PALM2AKAP2: variants seen among roughly 807,000 people sequenced by gnomAD.
PALM2AKAP2 encodes the protein PALM2-AKAP2 fusion protein.
A neutral mutation model predicts 71.5 loss-of-function variants in PALM2AKAP2; 37 were observed. The observed-to-expected ratio is 0.52, with a 90% CI of 0.40 to 0.68. The LOEUF (loss-of-function observed/expected upper bound fraction) is 0.68, where lower values mean the gene tolerates loss of function less well. Ranked by LOEUF, PALM2AKAP2 falls within the 30% of genes least tolerant of loss-of-function variation. The pLI is 0.00. For missense variants in PALM2AKAP2, 1,224 were observed against 1,191.8 expected, an observed-to-expected ratio of 1.03 and a Z score of -0.40; for synonymous variants, 468 against 478.8, an observed-to-expected ratio of 0.98 and a Z score of 0.29.
At chr9:109,679,658 A>G (rs1255460612) in intron 1 of PALM2AKAP2, among the ~76,000 whole-genome samples, 3 of 152,212 alleles carry the variant, frequency 2.0e-5, no homozygotes, top group Non-Finnish European at 4.4e-5. Context: ...CTCAAAAGTC[A>G]TCTGGCTTAG....
chr9:109,843,301 CAAA>C (rs35634219), intron 1 of PALM2AKAP2, among the ~76,000 whole-genome samples: 4 of 66,960 alleles, frequency 6.0e-5, no homozygotes, highest in Non-Finnish European at 2.6e-5. Context: ...GCCCCTGTCT[CAAA>C]AAAAAAAAAA....
intron 1 of PALM2AKAP2, among the ~76,000 whole-genome samples, chr9:110,088,711 T>TG (rs1564297928): frequency 4.7e-4 from 31 of 65,776 alleles, no homozygotes; most frequent in Non-Finnish European, 6.7e-4. Flanking sequence ...GTGTTTTTTT[T>TG]TTTTTTTTTT....
At chr9:109,654,164 T>C (rs771683868) in intron 1 of PALM2AKAP2, among the ~76,000 whole-genome samples, 2 of 152,256 alleles carry the variant, frequency 1.3e-5, no homozygotes, top group African/African-American at 2.4e-5. Flanking sequence ...TATGGCCTCA[T>C]GTGGCTGTAA....
At chr9:109,836,082 T>G (rs1828466511) in intron 1 of PALM2AKAP2, among the ~76,000 whole-genome samples, 1 of 152,202 alleles carries the variant, frequency 6.6e-6, no homozygotes, top group Admixed American at 6.5e-5. Flanking sequence ...GTCTGCCTCC[T>G]CAAGTGGGTC....
intron 1 of PALM2AKAP2, among the ~76,000 whole-genome samples, chr9:110,052,287 G>C (rs1833726263): frequency 6.6e-6 from 1 of 152,186 alleles, no homozygotes; most frequent in Admixed American, 6.5e-5. Context: ...TTCAACTTCA[G>C]TTTCTCTCAT....
At chr9:109,694,636 C>A (rs1587870810) in intron 1 of PALM2AKAP2, among the ~76,000 whole-genome samples, 2 of 151,996 alleles carry the variant, frequency 1.3e-5, no homozygotes, top group Admixed American at 1.3e-4. Context: ...TTATATTAAT[C>A]TACAAAGTTA....
At chr9:110,152,151 C>T (rs1393752829) in intron 2 of PALM2AKAP2, among the ~76,000 whole-genome samples, 1 of 152,050 alleles carries the variant, frequency 6.6e-6, no homozygotes, top group Non-Finnish European at 1.5e-5. Context: ...GCAGGAGAAT[C>T]GCTTGAACCT....
intron 1 of PALM2AKAP2, among the ~76,000 whole-genome samples, chr9:109,865,000 T>G (rs1359551328): frequency 1.3e-5 from 2 of 151,834 alleles, no homozygotes; most frequent in African/African-American, 4.8e-5. Context: ...CTCCTCATTG[T>G]CCCTGGAATA....
At chr9:110,058,900 T>TTTC (rs1461777545) in intron 1 of PALM2AKAP2, among the ~76,000 whole-genome samples, 1 of 137,266 alleles carries the variant, frequency 7.3e-6, no homozygotes, top group African/African-American at 3.0e-5. Context: ...GTTTTTTGGT[T>TTTC]TTTTTTTTTT....
chr9:110,055,535 C>G (rs1159428975), intron 1 of PALM2AKAP2, among the ~76,000 whole-genome samples: 2 of 152,126 alleles, frequency 1.3e-5, no homozygotes, highest in Admixed American at 1.3e-4. Context: ...GGCACTACTC[C>G]TATTCATTAG....
At chr9:109,778,768 ATTTT>A (rs34459734), upstream of PALM2AKAP2, among the ~76,000 whole-genome samples, 48 of 141,488 alleles carry the variant, frequency 3.4e-4, no homozygotes, top group South Asian at 1.3e-3. Context: ...TTTGATGTGC[ATTTT>A]TTTTTTTTTT....
chr9:109,762,090 G>A (rs572395401), intron 1 of PALM2AKAP2, among the ~76,000 whole-genome samples: 1 of 152,176 alleles, frequency 6.6e-6, no homozygotes, highest in African/African-American at 2.4e-5. Flanking sequence ...CTGTTGGTGG[G>A]AGTGTAAATT....
At chr9:109,822,512 C>T (rs1486020133) in intron 1 of PALM2AKAP2, among the ~76,000 whole-genome samples, 1 of 152,118 alleles carries the variant, frequency 6.6e-6, no homozygotes, top group Non-Finnish European at 1.5e-5. Context: ...ACTTTTTGGA[C>T]CTCACCCTTT....
In PALM2AKAP2 at chr9:110,162,189, G is replaced by A. The variant is rs891252922; in HGVS notation, c.2748+5692G>A. On this transcript the variant is annotated intron_variant, in intron 3 of 3. Coordinates refer to ENST00000374525, the Ensembl canonical transcript of PALM2AKAP2. ...TGAATGCATGATCCAGGTGCATGCT[G>A]TTGTGGTTTGCCATTTCCTGATGAG... is the stretch of plus-strand genomic sequence containing the variant. 9 of 1,602,078 alleles carry A rather than the reference G, an allele frequency of 5.6e-6. No homozygotes were observed. The African/African-American group carries it at 1.1e-4, about 19-fold the overall frequency.
chr9:109,804,974 G>T (rs1467125276), intron 1 of PALM2AKAP2, among the ~76,000 whole-genome samples: 2 of 152,064 alleles, frequency 1.3e-5, no homozygotes, highest in Non-Finnish European at 2.9e-5. Context: ...TATAAATTTT[G>T]CATCAAGCTT....
At chr9:109,759,193 A>C (rs1028613934) in intron 1 of PALM2AKAP2, among the ~76,000 whole-genome samples, 18 of 151,984 alleles carry the variant, frequency 1.2e-4, no homozygotes, top group East Asian at 3.9e-4. Flanking sequence ...TGGGGTGTGA[A>C]TCTTTTTGTT....
Position 109,770,935 on chromosome 9 carries a change from C to T in PALM2AKAP2, c.6-9553C>T, listed in dbSNP as rs191398948. 2.3e-3 allele frequency among the ~76,000 whole-genome samples: 349 copies of T among 152,302 alleles called. 2 individuals are homozygous for T. Among genetic ancestry groups the T allele is most frequent in the South Asian group, 7.5e-3 (36 of 4,826 alleles). On this transcript the variant is annotated intron_variant, in intron 1 of 6. Transcript: ENST00000374531. The stretch of plus-strand genomic sequence containing the variant: ...ATGAAATGAATACTATTGTATTTCC[C>T]ATTTTACAGACAGCATAGCTTAAAC...
intron 1 of PALM2AKAP2, among the ~76,000 whole-genome samples, chr9:109,738,289 C>A (rs1828667243): frequency 6.6e-6 from 1 of 152,160 alleles, no homozygotes; most frequent in Non-Finnish European, 1.5e-5. Flanking sequence ...CCGCTGAGAA[C>A]TTACAATTTG....
chr9:110,088,703 G>GTTTTTTTTTTTTTTTTTTTTTTTTTT (rs71373964), intron 1 of PALM2AKAP2, among the ~76,000 whole-genome samples: 1 of 75,572 alleles, frequency 1.3e-5, no homozygotes, highest in Non-Finnish European at 2.8e-5. Flanking sequence ...GCATTTACGT[G>GTTTTTTTTTTTTTTTTTTTTTTTTTT]TTTTTTTTTT....
Sources: allele counts gnomAD v4.1 joint callset (sites outside exome capture counted in the v4.1 genomes callset), GRCh38; gene constraint gnomAD v4.1.1; transcripts MANE v1.5; gene names NCBI Gene and HGNC (gene_info 2026-07-23, HGNC 2026-07-21).